CELF4: variants seen among roughly 807,000 people sequenced by gnomAD.
The protein encoded by CELF4 is CUG-BP- and ETR-3-like factor 4.
Under a neutral mutation model 59.9 loss-of-function variants are expected in CELF4, and 18 were observed. That is an observed-to-expected ratio of 0.30 (90% CI 0.21 to 0.45). CELF4 has a LOEUF of 0.45. CELF4 is among the 20% of genes least tolerant of loss of function. The pLI is 1.00. For missense variants in CELF4, 456 were observed against 689.0 expected (o/e 0.66, Z 3.79); for synonymous variants, 261 against 267.1 (o/e 0.98, Z 0.22).
chr18:37,333,864 G>A (rs1431446442), intron 2 of CELF4, among the ~76,000 whole-genome samples: 1 of 152,006 alleles, frequency 6.6e-6, no homozygotes, highest in Non-Finnish European at 1.5e-5. Flanking sequence ...GCCAGGCCCT[G>A]TTCTATAGAA....
Position 37,383,647 on chromosome 18 carries a change from T to C in CELF4, c.370-61766A>G, listed in dbSNP as rs2099067107. 2.6e-5 allele frequency among the ~76,000 whole-genome samples: 4 copies of C among 152,204 alleles called. No individual in the cohort carries two copies. The South Asian group carries it at 8.3e-4, about 32-fold the overall frequency. On this transcript the variant is annotated intron_variant, in intron 2 of 12. Transcript: ENST00000420428. The stretch of plus-strand genomic sequence containing the variant: ...ATGTGGCATCTGTAAACCACTCCTT[T>C]CTTTTCCAAGCACGTCCACATCTCG...
intron 1 of CELF4, among the ~76,000 whole-genome samples, chr18:37,486,400 AC>A (rs60468804): frequency 0.19 from 29,541 of 151,952 alleles, 3,118 homozygotes; most frequent in South Asian, 0.33. Flanking sequence ...GCCACACCCC[AC>A]CTCCTCGCCA....
chr18:37,405,429 C>T (rs1436020847), intron 2 of CELF4, among the ~76,000 whole-genome samples: 2 of 152,246 alleles, frequency 1.3e-5, no homozygotes, highest in African/African-American at 2.4e-5. Flanking sequence ...CCAGTTCTTT[C>T]TCTGTGGTGT....
chr18:37,344,166 C>T (rs2098162825), intron 2 of CELF4, among the ~76,000 whole-genome samples: 1 of 152,210 alleles, frequency 6.6e-6, no homozygotes. Context: ...AGGTTGAGTT[C>T]TGCAGGGTAG....
chr18:37,468,643 T>C (rs1336116581), intron 2 of CELF4, among the ~76,000 whole-genome samples: 1 of 152,190 alleles, frequency 6.6e-6, no homozygotes, highest in Admixed American at 6.5e-5. Context: ...TACCTGAGAC[T>C]GGGTAATTTA....
intron 2 of CELF4, among the ~76,000 whole-genome samples, chr18:37,442,686 C>T (rs1407352107): frequency 3.3e-5 from 5 of 152,206 alleles, no homozygotes; most frequent in East Asian, 3.9e-4. Context: ...TGCTGTGCCT[C>T]GTCTCTGGAC....
intron 1 of CELF4, among the ~76,000 whole-genome samples, chr18:37,493,310 C>T (rs540076966): frequency 1.3e-5 from 2 of 152,228 alleles, no homozygotes; most frequent in African/African-American, 2.4e-5. Context: ...CAACCCCAAC[C>T]TCTCTCATAG....
At chr18:37,397,881 G>A (rs994285207) in intron 2 of CELF4, among the ~76,000 whole-genome samples, 7 of 152,136 alleles carry the variant, frequency 4.6e-5, no homozygotes, top group South Asian at 2.1e-4. Flanking sequence ...TGGAGTGGGC[G>A]GGGGCAAGGG....
At chr18:37,292,955 TCTC>T (rs2154423914) in intron 3 of CELF4, among the ~76,000 whole-genome samples, 1 of 152,310 alleles carries the variant, frequency 6.6e-6, no homozygotes, top group East Asian at 1.9e-4. Flanking sequence ...ATTTTTAACT[TCTC>T]TTCAAGTGGC....
At chr18:37,419,202 G>A (rs529330719) in intron 2 of CELF4, among the ~76,000 whole-genome samples, 3 of 152,252 alleles carry the variant, frequency 2.0e-5, no homozygotes, top group East Asian at 3.9e-4. Flanking sequence ...ATTCAATATC[G>A]GTTTTACTCT....
At chr18:37,427,023 C>A (rs1391703015) in intron 2 of CELF4, among the ~76,000 whole-genome samples, 1 of 104,914 alleles carries the variant, frequency 9.5e-6, no homozygotes, top group Non-Finnish European at 1.9e-5. Context: ...CGGGTGCTGG[C>A]AGCAGCAGGG....
chr18:37,483,292 A>G (rs1241174777), intron 2 of CELF4, among the ~76,000 whole-genome samples: 2 of 152,236 alleles, frequency 1.3e-5, no homozygotes, highest in Non-Finnish European at 2.9e-5. Context: ...ATTTGTCTGC[A>G]TGCAGGTTTG....
At chr18:37,512,728 C>A (rs971770021) in intron 1 of CELF4, among the ~76,000 whole-genome samples, 1 of 151,704 alleles carries the variant, frequency 6.6e-6, no homozygotes. Context: ...TCCTCCTCCT[C>A]CCCTTTCTCC....
At chr18:37,495,675 G>A (rs1000315562) in intron 1 of CELF4, among the ~76,000 whole-genome samples, 16 of 152,078 alleles carry the variant, frequency 1.1e-4, no homozygotes, top group African/African-American at 3.6e-4. Flanking sequence ...CTGGTGAAGT[G>A]GAGGTGGGGG....
Position 37,503,312 on chromosome 18 carries a change from A to C in CELF4, c.287-17705T>G, listed in dbSNP as rs149957119. On this transcript the variant is annotated intron_variant, in intron 1 of 12. Transcript: ENST00000420428. ...ACTTGCAGCCAGAGAATAGGAGAATATATTTTCCCATGAGGTTTACCAAGG... is the reference window on the plus strand; with the variant it reads ...ACTTGCAGCCAGAGAATAGGAGAATCTATTTTCCCATGAGGTTTACCAAGG... Among the ~76,000 whole-genome samples the C allele has an allele frequency of 5.8e-3, 883 of 152,312 alleles. 5 individuals are homozygous for C. The highest frequency in any genetic ancestry group is 0.018 in the African/African-American group (766 of 41,574).
At chr18:37,541,588 A>G (rs77330144) in intron 1 of CELF4, among the ~76,000 whole-genome samples, 16 of 152,156 alleles carry the variant, frequency 1.1e-4, no homozygotes, top group African/African-American at 3.9e-4. Flanking sequence ...ACTTCTTGCT[A>G]ACCTTAGAAA....
chr18:37,381,697 AGCTGCTTT>A (rs1485740465), intron 2 of CELF4, among the ~76,000 whole-genome samples: 2 of 152,100 alleles, frequency 1.3e-5, no homozygotes, highest in African/African-American at 4.8e-5. Flanking sequence ...GGATGTCTTT[AGCTGCTTT>A]GCTGACTAAG....
At chr18:37,562,418 C>T (rs2099986836) in intron 1 of CELF4, among the ~76,000 whole-genome samples, 1 of 148,380 alleles carries the variant, frequency 6.7e-6, no homozygotes, top group African/African-American at 2.5e-5. Context: ...GACATCCAAA[C>T]TGGAGGCCAG....
At chr18:37,396,986 C>T (rs990155688) in intron 2 of CELF4, among the ~76,000 whole-genome samples, 39 of 152,264 alleles carry the variant, frequency 2.6e-4, no homozygotes, top group African/African-American at 9.1e-4. Flanking sequence ...GTCTGGATGT[C>T]TTCATTTTGG....
Sources: gnomAD v4.1 joint callset for allele counts (sites outside exome capture counted in the v4.1 genomes callset) on GRCh38, gnomAD v4.1.1 for gene constraint, MANE v1.5 for transcripts, NCBI Gene and HGNC (gene_info 2026-07-23, HGNC 2026-07-21) for gene names.